Variants in MOB1B observed in about 807,000 individuals in gnomAD.
The protein encoded by MOB1B is MOB1 Mps One Binder homolog B.
A neutral mutation model predicts 24.4 loss-of-function variants in MOB1B; 19 were observed. That is an observed-to-expected ratio of 0.78 (90% CI 0.54 to 1.14). MOB1B has a LOEUF of 1.14. Among genes scored for constraint, MOB1B ranks in the 50% most tolerant of loss-of-function variants. The probability of loss-of-function intolerance (pLI) is 0.00; values close to 1 mark genes in which losing one functional copy is unlikely to be tolerated. For synonymous variants in MOB1B, 76 were observed against 82.1 expected (o/e 0.93, Z 0.40); for missense variants, 243 against 259.6 (o/e 0.94, Z 0.44).
intron 3 of MOB1B, among the ~76,000 whole-genome samples, chr4:70,973,718 G>A (rs534789294): frequency 1.3e-5 from 2 of 152,310 alleles, no homozygotes; most frequent in East Asian, 1.9e-4. Flanking sequence ...ATCAAGAGGT[G>A]TTGGAAAGTA....
chr4:70,939,914 A>C (rs1737262418), intron 1 of MOB1B, among the ~76,000 whole-genome samples: 2 of 152,222 alleles, frequency 1.3e-5, no homozygotes. Flanking sequence ...CAGAAGATGG[A>C]GGAGCCAGGG....
intron 1 of MOB1B, among the ~76,000 whole-genome samples, chr4:70,916,805 G>T (rs1361026755): frequency 6.6e-6 from 1 of 152,142 alleles, no homozygotes; most frequent in Non-Finnish European, 1.5e-5. Context: ...CTGACCTGAG[G>T]TAATCCACCC....
chr4:70,910,407 A>G (rs1451741399), intron 1 of MOB1B, among the ~76,000 whole-genome samples: 1 of 151,800 alleles, frequency 6.6e-6, no homozygotes, highest in Non-Finnish European at 1.5e-5. Context: ...ATATACACAT[A>G]CACATGCGTG....
At chr4:70,969,202 G>A (rs1738657007) in intron 2 of MOB1B, among the ~76,000 whole-genome samples, 1 of 152,116 alleles carries the variant, frequency 6.6e-6, no homozygotes, top group Admixed American at 6.5e-5. Context: ...TGTGATCATG[G>A]CTCACTGCAG....
At chr4:70,915,014 A>G (rs2148869600) in intron 1 of MOB1B, among the ~76,000 whole-genome samples, 1 of 152,338 alleles carries the variant, frequency 6.6e-6, no homozygotes, top group South Asian at 2.1e-4. Flanking sequence ...GATTAGAGAT[A>G]CTGAATGTAG....
intron 1 of MOB1B, among the ~76,000 whole-genome samples, chr4:70,958,093 C>T (rs1030369825): frequency 4.6e-5 from 7 of 151,994 alleles, no homozygotes; most frequent in Admixed American, 1.3e-4. Context: ...ACTGCTTAAC[C>T]AGAATTCTGG....
intron 2 of MOB1B, among the ~76,000 whole-genome samples, chr4:70,968,683 T>C (rs2148899081): frequency 6.6e-6 from 1 of 152,326 alleles, no homozygotes; most frequent in Non-Finnish European, 1.5e-5. Flanking sequence ...GGTGAAATCA[T>C]AGCTCATTAT....
chr4:70,934,785 C>T (rs1462432592), intron 1 of MOB1B, among the ~76,000 whole-genome samples: 3 of 152,012 alleles, frequency 2.0e-5, no homozygotes, highest in Non-Finnish European at 2.9e-5. Flanking sequence ...TCCTCTTATG[C>T]ATAACTTGAT....
chr4:70,987,195 G>A lies in MOB1B; in HGVS notation c.*5138G>A, dbSNP rs1739408147. 1 of 152,014 alleles carries A rather than the reference G, an allele frequency of 6.6e-6. No individual in the cohort carries two copies. The highest frequency in any genetic ancestry group is 6.5e-5 in the Admixed American group (1 of 15,276). 9.4% of individuals were successfully genotyped at this position (152,014 alleles called of 1,614,324 possible). ...AGGTTTCAGTTTATTTAGGAAATTA[G>A]TGTTTGACAGCTTTTTTTAAATTAT... On this transcript the variant is annotated 3_prime_UTR_variant, in exon 6 of 6. Coordinates refer to ENST00000309395, the MANE Select transcript of MOB1B (RefSeq NM_173468.4).
intron 2 of MOB1B, among the ~76,000 whole-genome samples, chr4:70,967,235 G>A (rs1457604535): frequency 6.6e-6 from 1 of 151,436 alleles, no homozygotes. Context: ...CTGGGTTCAA[G>A]CAGTTCCCCT....
intron 1 of MOB1B, among the ~76,000 whole-genome samples, chr4:70,948,886 C>T (rs1936541058): frequency 6.6e-6 from 1 of 152,156 alleles, no homozygotes; most frequent in Admixed American, 6.5e-5. Context: ...ATCCCTCCCT[C>T]CACCATGCTC....
intron 1 of MOB1B, among the ~76,000 whole-genome samples, chr4:70,907,161 T>C (rs1326774376): frequency 6.6e-6 from 1 of 152,184 alleles, no homozygotes. Flanking sequence ...AGGGGTCTAT[T>C]AGTAACATGG....
At chr4:70,969,890 T>G in intron 2 of MOB1B, 41 bp from the exon 3 acceptor site, 1 of 1,105,210 alleles carries the variant, frequency 9.0e-7, no homozygotes, top group Non-Finnish European at 1.4e-6. Flanking sequence ...ATTTTAAATT[T>G]AGCCATTCTG....
chr4:70,921,860 A>G (rs1736453197), intron 1 of MOB1B, among the ~76,000 whole-genome samples: 1 of 152,104 alleles, frequency 6.6e-6, no homozygotes, highest in South Asian at 2.1e-4. Flanking sequence ...AGGAGCTTTG[A>G]ATATGAAAGT....
At chr4:70,950,704 T>C in intron 1 of MOB1B, 5 of 1,512,952 alleles carry the variant, frequency 3.3e-6, no homozygotes, top group Admixed American at 4.0e-5. Flanking sequence ...ATGTAGGAGT[T>C]CTCAGCCTGA....
intron 2 of MOB1B, among the ~76,000 whole-genome samples, chr4:70,967,194 C>T (rs573784974): frequency 9.4e-5 from 14 of 149,536 alleles, no homozygotes; most frequent in East Asian, 4.0e-4. Flanking sequence ...AGTGCAGTGG[C>T]GTGATCTCAG....
At chr4:70,977,645 C>G (rs2148903808) in intron 4 of MOB1B, among the ~76,000 whole-genome samples, 1 of 152,102 alleles carries the variant, frequency 6.6e-6, no homozygotes, top group African/African-American at 2.4e-5. Flanking sequence ...GTAAGAGCAG[C>G]TGTAATCTCA....
intron 2 of MOB1B, among the ~76,000 whole-genome samples, chr4:70,964,617 A>G (rs925880248): frequency 5.9e-5 from 9 of 152,176 alleles, no homozygotes; most frequent in Admixed American, 5.9e-4. Flanking sequence ...AACAACAGCA[A>G]ATTAAATGCA....
At chr4:70,975,642 ATT>A in intron 4 of MOB1B, 1 of 947,396 alleles carries the variant, frequency 1.1e-6, no homozygotes, top group Non-Finnish European at 1.3e-6. Context: ...CAATGATAGC[ATT>A]TTTTAACACT....
Sources: allele counts gnomAD v4.1 joint callset (sites outside exome capture counted in the v4.1 genomes callset), GRCh38; gene constraint gnomAD v4.1.1; transcripts MANE v1.5; gene names NCBI Gene and HGNC (gene_info 2026-07-23, HGNC 2026-07-21).